MRPL1: variants seen among roughly 807,000 people sequenced by gnomAD.
MRPL1 encodes the protein mitochondrial ribosomal protein L1.
Under a neutral mutation model 38.0 loss-of-function variants are expected in MRPL1, and 28 were observed. The observed-to-expected ratio is 0.74, with a 90% CI of 0.55 to 1.01. The LOEUF (loss-of-function observed/expected upper bound fraction) is 1.01, where lower values mean the gene tolerates loss of function less well. Among genes scored for constraint, MRPL1 ranks in the 50% least tolerant of loss-of-function variants. MRPL1 has a pLI of 0.00. For synonymous variants in MRPL1, 123 were observed against 126.7 expected (o/e 0.97, Z 0.20); for missense variants, 358 against 389.8 (o/e 0.92, Z 0.69).
chr4:77,877,610 A>G (rs1457674082), intron 2 of MRPL1, among the ~76,000 whole-genome samples: 1 of 125,316 alleles, frequency 8.0e-6, no homozygotes, highest in Non-Finnish European at 1.7e-5. Context: ...TTTTTTTTTT[A>G]AATAAATGCA....
chr4:77,906,858 A>T, intron 6 of MRPL1: 1 of 465,008 alleles, frequency 2.2e-6, no homozygotes, highest in Non-Finnish European at 2.8e-6. Context: ...CATATTGTTT[A>T]GTATTCAGTT....
At chr4:77,910,252 C>A (rs181290437) in intron 7 of MRPL1, among the ~76,000 whole-genome samples, 2 of 152,242 alleles carry the variant, frequency 1.3e-5, no homozygotes, top group African/African-American at 4.8e-5. Context: ...TGGCAGTTTC[C>A]TCAAGTCCAG....
chr4:77,875,519 G>A (rs1438988131), intron 2 of MRPL1, among the ~76,000 whole-genome samples: 1 of 152,028 alleles, frequency 6.6e-6, no homozygotes, highest in Non-Finnish European at 1.5e-5. Flanking sequence ...GGGCTTGGTG[G>A]TGCATGCCTG....
intron 7 of MRPL1, among the ~76,000 whole-genome samples, chr4:77,930,791 C>G (rs1267283430): frequency 6.6e-6 from 1 of 152,122 alleles, no homozygotes. Flanking sequence ...GTATGTCCTG[C>G]CTATTATTTG....
At chr4:77,951,307 T>C (rs1283314066) in intron 8 of MRPL1, among the ~76,000 whole-genome samples, 3 of 152,252 alleles carry the variant, frequency 2.0e-5, no homozygotes, top group Non-Finnish European at 4.4e-5. Flanking sequence ...ATTTATAACA[T>C]TTCCATCAAA....
At chr4:77,917,657 G>A (rs1736451129) in intron 7 of MRPL1, among the ~76,000 whole-genome samples, 1 of 152,110 alleles carries the variant, frequency 6.6e-6, no homozygotes, top group Non-Finnish European at 1.5e-5. Flanking sequence ...CAATGCTGGT[G>A]ATACAAAAAG....
At chr4:77,911,775 A>G (rs1736294144) in intron 7 of MRPL1, among the ~76,000 whole-genome samples, 1 of 152,182 alleles carries the variant, frequency 6.6e-6, no homozygotes, top group Admixed American at 6.5e-5. Context: ...GCATTATTTG[A>G]TACCAAAACC....
At chr4:77,925,054 T>C (rs1309144851) in intron 7 of MRPL1, among the ~76,000 whole-genome samples, 1 of 152,184 alleles carries the variant, frequency 6.6e-6, no homozygotes, top group African/African-American at 2.4e-5. Context: ...TTACCAATTT[T>C]GTCACATTTG....
At chr4:77,924,578 A>G (rs957961742) in intron 7 of MRPL1, among the ~76,000 whole-genome samples, 14 of 152,014 alleles carry the variant, frequency 9.2e-5, no homozygotes, top group African/African-American at 3.4e-4. Context: ...CATTCCTTTG[A>G]TTACATTTTT....
At chr4:77,935,117 T>C (rs1299537612) in intron 7 of MRPL1, among the ~76,000 whole-genome samples, 1 of 152,162 alleles carries the variant, frequency 6.6e-6, no homozygotes, top group East Asian at 1.9e-4. Flanking sequence ...AATAAGTGGT[T>C]ACCAGGAGTC....
chr4:77,894,037 GTC>G (rs969101011), intron 5 of MRPL1, 100 bp from the exon 6 acceptor site: 28 of 702,228 alleles, frequency 4.0e-5, no homozygotes, highest in Middle Eastern at 3.0e-4. Context: ...TGTGCTTAAT[GTC>G]TGTTTTCTGA....
At chr4:77,952,392 G>C in intron 8 of MRPL1, 97 bp from the exon 9 acceptor site, 1 of 839,992 alleles carries the variant, frequency 1.2e-6, no homozygotes, top group East Asian at 2.5e-5. Flanking sequence ...CAGTTTCCAA[G>C]AACCTAGTGA....
intron 7 of MRPL1, among the ~76,000 whole-genome samples, chr4:77,932,127 A>G (rs1055558145): frequency 1.3e-5 from 2 of 152,244 alleles, no homozygotes; most frequent in African/African-American, 2.4e-5. Context: ...AGCCTGCTCA[A>G]GAAACTCAAT....
At chr4:77,913,916 T>C (rs929338052) in intron 7 of MRPL1, among the ~76,000 whole-genome samples, 1 of 152,184 alleles carries the variant, frequency 6.6e-6, no homozygotes, top group African/African-American at 2.4e-5. Flanking sequence ...TGCAAACTAA[T>C]GTATGATGAC....
intron 1 of MRPL1, among the ~76,000 whole-genome samples, chr4:77,871,366 G>A (rs558351828): frequency 2.0e-5 from 3 of 151,136 alleles, no homozygotes; most frequent in Admixed American, 6.6e-5. Flanking sequence ...GTGCGGTGGC[G>A]CTATATCGGC....
At chr4:77,875,286 A>G (rs114714759) in intron 2 of MRPL1, among the ~76,000 whole-genome samples, 13 of 152,302 alleles carry the variant, frequency 8.5e-5, no homozygotes, top group South Asian at 2.1e-4. Flanking sequence ...ATCAAGTGCT[A>G]TGCGATCACA....
intron 7 of MRPL1, among the ~76,000 whole-genome samples, chr4:77,938,131 G>A (rs116004541): frequency 0.045 from 6,877 of 152,258 alleles, 195 homozygotes; most frequent in African/African-American, 0.076. Context: ...CTCTCCACCT[G>A]TTTTTGTAAA....
chr4:77,878,193 G>A (rs555448710), intron 2 of MRPL1, among the ~76,000 whole-genome samples: 4 of 152,278 alleles, frequency 2.6e-5, no homozygotes, highest in East Asian at 1.9e-4. Flanking sequence ...GTCTCGCTCC[G>A]TCATGGGTTC....
In MRPL1 at chr4:77,926,596, G is replaced by GT. The variant is rs1226949774; in HGVS notation, c.777+17231dup. ...ACATGATTTAAGAATCATTCTTATA[G>GT]TTTTTTTCTTTTTTACTTTTTTTTT... On this transcript the variant is annotated intron_variant, in intron 7 of 8. Coordinates refer to ENST00000315567, the MANE Select transcript of MRPL1 (RefSeq NM_020236.4). 8.5e-5 allele frequency among the ~76,000 whole-genome samples: 12 copies of GT among 141,700 alleles called. 1 individual carries two copies. The highest frequency in any genetic ancestry group is 6.0e-4 in the Admixed American group (8 of 13,358). 93.0% of individuals were successfully genotyped at this position (141,700 alleles called of 152,430 possible).
Sources: allele counts gnomAD v4.1 joint callset (sites outside exome capture counted in the v4.1 genomes callset), GRCh38; gene constraint gnomAD v4.1.1; transcripts MANE v1.5; gene names NCBI Gene and HGNC (gene_info 2026-07-23, HGNC 2026-07-21).